Variants in MTSS1 observed in about 807,000 individuals in gnomAD.
MTSS1 encodes protein MTSS 1.
A neutral mutation model predicts 79.0 loss-of-function variants in MTSS1; 18 were observed. The ratio of observed to expected loss-of-function variants is 0.23; its 90% confidence interval spans 0.16 to 0.34. MTSS1 has a LOEUF of 0.34. Ranked by LOEUF, MTSS1 falls within the 10% of genes least tolerant of loss-of-function variation. The probability of loss-of-function intolerance (pLI) is 1.00; values close to 1 mark genes in which losing one functional copy is unlikely to be tolerated. For synonymous variants in MTSS1, 341 were observed against 368.6 expected, an observed-to-expected ratio of 0.93 and a Z score of 0.86; for missense variants, 815 against 986.2, an observed-to-expected ratio of 0.83 and a Z score of 2.33.
intron 3 of MTSS1, among the ~76,000 whole-genome samples, chr8:124,638,213 T>C (rs1169688314): frequency 6.6e-6 from 1 of 152,242 alleles, no homozygotes; most frequent in Non-Finnish European, 1.5e-5. Context: ...TAATCAGAAT[T>C]ATTTCACCTT....
At chr8:124,697,319 G>A (rs1031870139) in intron 3 of MTSS1, among the ~76,000 whole-genome samples, 1 of 151,844 alleles carries the variant, frequency 6.6e-6, no homozygotes. Flanking sequence ...CAGCACTATG[G>A]GAGGCTGAGG....
At chr8:124,584,532 G>T (rs969629230) in intron 6 of MTSS1, among the ~76,000 whole-genome samples, 2 of 152,144 alleles carry the variant, frequency 1.3e-5, no homozygotes, top group African/African-American at 2.4e-5. Flanking sequence ...TGTGAAGGAG[G>T]ATAAACAAGG....
intron 6 of MTSS1, among the ~76,000 whole-genome samples, chr8:124,576,273 C>G (rs374657880): frequency 1.3e-5 from 2 of 151,986 alleles, no homozygotes; most frequent in East Asian, 3.9e-4. Context: ...ACTTGATGGG[C>G]GAGGGGGTCA....
In MTSS1 at chr8:124,556,361, G is replaced by A. The variant is rs907532510; in HGVS notation, c.1275C>T (p.Thr425=). The A allele has an allele frequency of 6.2e-7, 1 of 1,614,132 alleles. No homozygotes were observed. Among genetic ancestry groups the A allele is most frequent in the Non-Finnish European group, 8.5e-7 (1 of 1,180,008 alleles). Residue 425 remains threonine, a synonymous_variant, in exon 12 of 14, where the codon ACC becomes ACT. Transcript: ENST00000518547. ...CTCGCTTCTCTTTGCGGCGCTGCAG[G>A]GTGTTCACCAGAGGCTGGTCATAGG... is the stretch of plus-strand genomic sequence containing the variant. ...PGPYDQPLVN[T]LQRRKEKREP...
intron 3 of MTSS1, among the ~76,000 whole-genome samples, chr8:124,636,802 T>C (rs1817082825): frequency 6.6e-6 from 1 of 152,204 alleles, no homozygotes; most frequent in African/African-American, 2.4e-5. Flanking sequence ...CAAGGACTTC[T>C]TGGCCCCATC....
At chr8:124,679,688 C>T (rs1180917535) in intron 3 of MTSS1, among the ~76,000 whole-genome samples, 1 of 152,200 alleles carries the variant, frequency 6.6e-6, no homozygotes, top group Non-Finnish European at 1.5e-5. Context: ...ATGGAAACTC[C>T]TGTCACCTGA....
intron 6 of MTSS1, among the ~76,000 whole-genome samples, chr8:124,577,971 G>A (rs1207907439): frequency 6.6e-6 from 1 of 152,226 alleles, no homozygotes. Flanking sequence ...ATTCCTGTGG[G>A]TGAGTGCATA....
chr8:124,674,777 G>A (rs1274587587), intron 3 of MTSS1, among the ~76,000 whole-genome samples: 2 of 151,934 alleles, frequency 1.3e-5, no homozygotes, highest in Admixed American at 1.3e-4. Flanking sequence ...GAGTTGGAGT[G>A]CAGTGGCACT....
At chr8:124,666,155 G>C (rs537858699) in intron 3 of MTSS1, among the ~76,000 whole-genome samples, 30 of 152,308 alleles carry the variant, frequency 2.0e-4, no homozygotes, top group African/African-American at 7.0e-4. Context: ...CCATTAAACT[G>C]ATCTCCCTGG....
chr8:124,617,602 C>T (rs1419820444), intron 3 of MTSS1, among the ~76,000 whole-genome samples: 1 of 152,060 alleles, frequency 6.6e-6, no homozygotes, highest in Non-Finnish European at 1.5e-5. Context: ...TTTCACAGGG[C>T]GAGAGGGGTG....
Position 124,683,877 on chromosome 8 carries a change from G to A in MTSS1, c.208+15649C>T, listed in dbSNP as rs140204304. Among the ~76,000 whole-genome samples the A allele has an allele frequency of 1.0e-3, 158 of 152,274 alleles. 1 individual carries two copies. Among genetic ancestry groups the A allele is most frequent in the Middle Eastern group, 3.4e-3 (1 of 294 alleles). On this transcript the variant is annotated intron_variant, in intron 3 of 13. Coordinates refer to ENST00000518547, the MANE Select transcript of MTSS1 (RefSeq NM_014751.6). The surrounding 1 kb of genome is among the most constrained non-coding windows in gnomAD (Gnocchi z 4.5). Reference sequence around the variant, plus strand: ...CCATAACAAGCCGGTACCCACATGCGGTGGGGGCTCTGACACCACTCCCAT... The same window carrying A: ...CCATAACAAGCCGGTACCCACATGCAGTGGGGGCTCTGACACCACTCCCAT...
rs999226386 is a variant in MTSS1, at chr8:124,551,879, C to G, written c.*1113G>C. Reference sequence around the variant, plus strand: ...TTTATTTGAAAGAAGAAAAGAAAAACAAGCCCCCAGATTGGTAAACACATT... The same window carrying G: ...TTTATTTGAAAGAAGAAAAGAAAAAGAAGCCCCCAGATTGGTAAACACATT... On this transcript the variant is annotated 3_prime_UTR_variant, in exon 14 of 14. Coordinates refer to ENST00000518547, the MANE Select transcript of MTSS1 (RefSeq NM_014751.6). 1 of 152,550 alleles carries G rather than the reference C, an allele frequency of 6.6e-6. No homozygotes were observed. Among genetic ancestry groups the G allele is most frequent in the Non-Finnish European group, 1.5e-5 (1 of 67,998 alleles). 9.4% of individuals were successfully genotyped at this position (152,550 alleles called of 1,614,324 possible).
chr8:124,587,817 T>C (rs970176937), intron 5 of MTSS1, among the ~76,000 whole-genome samples: 8 of 152,236 alleles, frequency 5.3e-5, no homozygotes, highest in Non-Finnish European at 1.2e-4. Context: ...TATTAACTTT[T>C]TTAATATAAC....
At chr8:124,567,880 TG>T in intron 7 of MTSS1, 2 of 1,441,910 alleles carry the variant, frequency 1.4e-6, no homozygotes, top group African/African-American at 1.4e-5. Context: ...AATTACGGCA[TG>T]CAAATGATTT....
chr8:124,621,391 A>C (rs1813479072), intron 3 of MTSS1, among the ~76,000 whole-genome samples: 1 of 152,168 alleles, frequency 6.6e-6, no homozygotes, highest in Non-Finnish European at 1.5e-5. Flanking sequence ...CCCAGGAGGG[A>C]GAGGCACTTG....
intron 3 of MTSS1, among the ~76,000 whole-genome samples, chr8:124,613,087 G>A (rs1192666280): frequency 6.6e-6 from 1 of 152,114 alleles, no homozygotes; most frequent in African/African-American, 2.4e-5. Context: ...TCAGCCGCCC[G>A]AGGACCATCT....
chr8:124,596,229 A>G (rs1293318256), intron 3 of MTSS1, among the ~76,000 whole-genome samples: 1 of 152,194 alleles, frequency 6.6e-6, no homozygotes, highest in Non-Finnish European at 1.5e-5. Context: ...TGCTTCTTGA[A>G]AGGAGAAGAA....
At chr8:124,613,621 C>T (rs1321330270) in intron 3 of MTSS1, among the ~76,000 whole-genome samples, 2 of 152,192 alleles carry the variant, frequency 1.3e-5, no homozygotes, top group Non-Finnish European at 2.9e-5. Flanking sequence ...GTCCTTCAAG[C>T]CTATGGGGGC....
chr8:124,654,170 C>G (rs941002809), intron 3 of MTSS1, among the ~76,000 whole-genome samples: 4 of 152,148 alleles, frequency 2.6e-5, no homozygotes, highest in African/African-American at 9.7e-5. Flanking sequence ...AGCCTCGACT[C>G]CAAAGAAAGG....
Sources: allele counts gnomAD v4.1 joint callset (sites outside exome capture counted in the v4.1 genomes callset), GRCh38; gene constraint gnomAD v4.1.1; non-coding constraint Gnocchi (gnomAD v3.1); transcripts MANE v1.5; gene names NCBI Gene and HGNC (gene_info 2026-07-23, HGNC 2026-07-21).